PTPN13: variants seen among roughly 807,000 people sequenced by gnomAD.
The protein encoded by PTPN13 is tyrosine-protein phosphatase non-receptor type 13.
PTPN13 carries 191 observed loss-of-function variants against 284.0 expected under a neutral mutation model. The ratio of observed to expected loss-of-function variants is 0.67; its 90% CI spans 0.60 to 0.76. The LOEUF (loss-of-function observed/expected upper bound fraction) is 0.76, where lower values mean the gene tolerates loss of function less well. Ranked by LOEUF, PTPN13 falls within the 30% of genes least tolerant of loss-of-function variation. PTPN13 has a pLI of 0.00. For synonymous variants in PTPN13, 986 were observed against 1,022.3 expected (o/e 0.96, Z 0.68); for missense variants, 2,797 against 2,939.9 (o/e 0.95, Z 1.12).
intron 9 of PTPN13, among the ~76,000 whole-genome samples, chr4:86,719,811 T>C (rs543399287): frequency 6.6e-6 from 1 of 152,326 alleles, no homozygotes; most frequent in East Asian, 1.9e-4. Context: ...CACTTTTTAA[T>C]AGAGTTGTTT....
At chr4:86,761,381 G>A (rs1738679568) in intron 23 of PTPN13, among the ~76,000 whole-genome samples, 1 of 151,694 alleles carries the variant, frequency 6.6e-6, no homozygotes, top group Admixed American at 6.6e-5. Context: ...TATTATAAAT[G>A]TTACTCCAAC....
Position 86,701,796 on chromosome 4 carries a change from T to C in PTPN13, c.1190T>C (p.Val397Ala). 1 of 1,604,322 alleles carries C rather than the reference T, an allele frequency of 6.2e-7. No individual in the cohort carries two copies. Among genetic ancestry groups the C allele is most frequent in the Non-Finnish European group, 8.5e-7 (1 of 1,176,140 alleles). ...CAGGTTCTGAGGGAAGCCATGAATG[T>C]AGAAGGTTAGTAATTCTGTGCATGT... ...KLQVLREAMN[V>A]EEPVRRYKTY... Residue 397 changes from valine (V) to alanine (A), a missense_variant, in exon 7 of 48, where the codon GTA becomes GCA. Physicochemically the swap from Val to Ala is moderately conservative, Grantham distance 64 (BLOSUM62 0). Transcript: ENST00000411767.
At chr4:86,705,100 C>CTG (rs1731588178) in intron 7 of PTPN13, among the ~76,000 whole-genome samples, 1 of 152,036 alleles carries the variant, frequency 6.6e-6, no homozygotes, top group Non-Finnish European at 1.5e-5. Flanking sequence ...CTTTGGGAGG[C>CTG]CAGGGCGGGC....
At chr4:86,740,944 A>G (rs780586473) in intron 15 of PTPN13, among the ~76,000 whole-genome samples, 5 of 152,130 alleles carry the variant, frequency 3.3e-5, no homozygotes, top group Non-Finnish European at 7.4e-5. Context: ...AGAAAATAAC[A>G]AGAGTCACCT....
chr4:86,735,006 G>A (rs7699564), intron 14 of PTPN13, 131 bp downstream of exon 14: 115,136 of 1,011,492 alleles, frequency 0.11, 7,735 homozygotes, highest in African/African-American at 0.25. Flanking sequence ...TGGTTCCTCA[G>A]AATGACCAAG....
In PTPN13 at chr4:86,806,309, A is replaced by G. The variant is rs377522692; in HGVS notation, c.6745+940A>G. On this transcript the variant is annotated intron_variant, in intron 44 of 47. Coordinates refer to ENST00000411767, the MANE Select transcript of PTPN13 (RefSeq NM_080683.3). ...GCAAATTCTTATAATTACCAGCCAC[A>G]TGTATATATGTTAGCACTTTGGATT... Among the ~76,000 whole-genome samples the G allele has an allele frequency of 2.0e-5, 3 of 152,244 alleles. No individual in the cohort carries two copies. The East Asian group carries it at 5.8e-4, about 29-fold the overall frequency.
chr4:86,654,060 G>A (rs1381732233), intron 2 of PTPN13, among the ~76,000 whole-genome samples: 1 of 152,088 alleles, frequency 6.6e-6, no homozygotes, highest in East Asian at 1.9e-4. Flanking sequence ...ATGCCCACAA[G>A]AGAAAGCAGG....
At position 86,762,921 on chromosome 4, in the gene PTPN13, A is replaced by G. The variant is rs770138057; in HGVS notation, c.3748A>G (p.Arg1250Gly). 9.9e-6 allele frequency: 16 copies of G among 1,613,840 alleles called. No homozygotes were observed. The highest frequency in any genetic ancestry group is 2.7e-5 in the African/African-American group (2 of 74,920). The change falls in exon 24 of 48, where the codon AGG becomes GGG. Residue 1250 changes from arginine to glycine, a missense_variant. By Grantham distance (125) the Arg-to-Gly change is moderately radical. Transcript: ENST00000411767. Reference sequence around the variant, plus strand: ...AGGAAGCCTGAGTTCTCAAGATTCCAGGACTGAGAGTGCCAGCTTGTCTCA... The same window carrying G: ...AGGAAGCCTGAGTTCTCAAGATTCCGGGACTGAGAGTGCCAGCTTGTCTCA... ...REGSLSSQDS[R>G]TESASLSQSQ...
rs563643053 is a variant in PTPN13 at position 86,672,348 on chromosome 4, G to T, written c.116-17G>T. The T allele has an allele frequency of 1.5e-5, 22 of 1,489,498 alleles. No homozygotes were observed. Among genetic ancestry groups the T allele is most frequent in the Middle Eastern group, 1.8e-4 (1 of 5,696 alleles). 92.3% of individuals were successfully genotyped at this position (1,489,498 alleles called of 1,614,324 possible). ...TTCTTTTTTTTTATTTTTTATTTTGGTGCAATTACAAACCAGTAAGCCTAG... is the reference window on the plus strand; with the variant it reads ...TTCTTTTTTTTTATTTTTTATTTTGTTGCAATTACAAACCAGTAAGCCTAG... On this transcript the variant is annotated splice_polypyrimidine_tract_variant and intron_variant, in intron 2 of 47. Transcript: ENST00000411767.
intron 36 of PTPN13, 34 bp downstream of exon 36, chr4:86,780,506 C>T (rs779016201): frequency 3.1e-5 from 43 of 1,394,046 alleles, no homozygotes; most frequent in South Asian, 4.8e-5. Flanking sequence ...TACTCTCCTA[C>T]GGTAATGGGA....
intron 3 of PTPN13, among the ~76,000 whole-genome samples, chr4:86,685,895 T>C (rs1729398338): frequency 6.6e-6 from 1 of 152,162 alleles, no homozygotes; most frequent in South Asian, 2.1e-4. Flanking sequence ...CTTACAAGGC[T>C]GTTTGCTGAA....
At chr4:86,595,637 A>T in intron 1 of PTPN13, 1 of 455,348 alleles carries the variant, frequency 2.2e-6, no homozygotes, top group South Asian at 9.4e-5. Flanking sequence ...ATTTTCATTT[A>T]ATTGCATCTT....
intron 35 of PTPN13, among the ~76,000 whole-genome samples, chr4:86,779,755 C>T (rs1741083866): frequency 6.6e-6 from 1 of 152,160 alleles, no homozygotes; most frequent in Non-Finnish European, 1.5e-5. Flanking sequence ...TCTCAATTAT[C>T]AGCAACAATA....
chr4:86,701,174 A>G, intron 6 of PTPN13, 67 bp from the exon 7 acceptor site: 1 of 1,224,718 alleles, frequency 8.2e-7, no homozygotes, highest in East Asian at 2.5e-5. Context: ...CATTGTCAAT[A>G]GTGGATTACA....
At position 86,722,259 on chromosome 4, in the gene PTPN13, T is replaced by C. The variant is rs1389246873; in HGVS notation, c.1433T>C (p.Ile478Thr). 6 of 1,613,692 alleles carry C rather than the reference T, an allele frequency of 3.7e-6. No homozygotes were observed. The South Asian group carries it at 5.5e-5, about 15-fold the overall frequency. ...GAAGGCAACTTAATTAATCAAGAGATCATGCTAAAACGGCAAGAGGAAGAA... is the reference window on the plus strand; with the variant it reads ...GAAGGCAACTTAATTAATCAAGAGACCATGCTAAAACGGCAAGAGGAAGAA... ...PFEGNLINQEIMLKRQEEELM... is the reference protein window; with the variant it reads ...PFEGNLINQETMLKRQEEELM... The change falls in exon 10 of 48, where the codon ATC (isoleucine) becomes ACC (threonine). Residue 478 changes from isoleucine (I) to threonine (T), a missense_variant. Transcript: ENST00000411767.
At chr4:86,683,640 C>T (rs1424811765) in intron 3 of PTPN13, among the ~76,000 whole-genome samples, 1 of 152,080 alleles carries the variant, frequency 6.6e-6, no homozygotes, top group Non-Finnish European at 1.5e-5. Flanking sequence ...TCCTTTGGTC[C>T]AATCAAGTTG....
At chr4:86,648,108 A>C (rs558163615) in intron 2 of PTPN13, among the ~76,000 whole-genome samples, 27 of 152,108 alleles carry the variant, frequency 1.8e-4, no homozygotes, top group Non-Finnish European at 3.4e-4. Flanking sequence ...TTATGCTTAC[A>C]TACTAGTTAT....
At chr4:86,689,596 C>T (rs1367089933) in intron 5 of PTPN13, 3 of 697,330 alleles carry the variant, frequency 4.3e-6, no homozygotes, top group East Asian at 2.7e-5. Flanking sequence ...GTTTCGTGAC[C>T]ACTCATTTGT....
intron 20 of PTPN13, 24 bp downstream of exon 20, chr4:86,753,089 C>G (rs1270854277): frequency 6.4e-7 from 1 of 1,568,220 alleles, no homozygotes; most frequent in Non-Finnish European, 8.8e-7. Context: ...ATGTTTTTCC[C>G]CTCATTTCCA....
Sources: allele counts gnomAD v4.1 joint callset (sites outside exome capture counted in the v4.1 genomes callset), GRCh38; gene constraint gnomAD v4.1.1; transcripts MANE v1.5; gene names NCBI Gene and HGNC (gene_info 2026-07-23, HGNC 2026-07-21).